TSFM: variants seen among roughly 807,000 people sequenced by gnomAD.
TSFM encodes Ts translation elongation factor, mitochondrial.
Under a neutral mutation model 33.4 loss-of-function variants are expected in TSFM, and 29 were observed. That is an observed-to-expected ratio of 0.87 (90% CI 0.65 to 1.18). The LOEUF is 1.18. Among genes scored for constraint, TSFM ranks in the 50% most tolerant of loss-of-function variants. The probability of loss-of-function intolerance (pLI) is 0.00; values close to 1 mark genes in which losing one functional copy is unlikely to be tolerated. For missense variants in TSFM, 394 were observed against 395.6 expected (o/e 1.00, Z 0.04); for synonymous variants, 178 against 163.5 (o/e 1.09, Z -0.68).
chr12:57,793,615 G>C (rs1955694047), intron 5 of TSFM, among the ~76,000 whole-genome samples: 1 of 152,084 alleles, frequency 6.6e-6, no homozygotes, highest in Non-Finnish European at 1.5e-5. Flanking sequence ...GGAGTCCTGG[G>C]GTCATCAGAA....
In TSFM at chr12:57,786,183, G is replaced by A. The variant is rs146705140; in HGVS notation, c.252G>A (p.Lys84=). The change falls in exon 3 of 6, where the codon AAG becomes AAA. Residue 84 remains lysine (K), a synonymous_variant. Transcript: ENST00000652027. ...DLKQAEIWLH[K]EAQKEGWSKA... ...TACAGGCAGAGATCTGGCTCCACAAGGAGGCCCAGAAGGAGGGCTGGAGCA... is the reference window on the plus strand; with the variant it reads ...TACAGGCAGAGATCTGGCTCCACAAAGAGGCCCAGAAGGAGGGCTGGAGCA... The A allele has an allele frequency of 1.1e-4, 174 of 1,607,450 alleles. No individual in the cohort carries two copies. Among genetic ancestry groups the A allele is most frequent in the Non-Finnish European group, 1.2e-4 (146 of 1,176,658 alleles).
chr12:57,783,220 A>G lies in TSFM; in HGVS notation c.168A>G (p.Lys56=). 6.2e-7 allele frequency: 1 copy of G among 1,613,844 alleles called. No individual in the cohort carries two copies. Residue 56 remains lysine, a synonymous_variant, in exon 2 of 6, where the codon AAA becomes AAG. Transcript: ENST00000652027. The part of the protein sequence containing the change: ...SKELLMKLRR[K]TGYSFVNCKK... ...AGCTCCTCATGAAGCTGCGGCGGAA[A>G]ACAGGCTACTCCTTTGTAAATTGCA...
At chr12:57,791,299 C>T (rs1003327570) in intron 4 of TSFM, among the ~76,000 whole-genome samples, 2 of 152,190 alleles carry the variant, frequency 1.3e-5, no homozygotes, top group South Asian at 2.1e-4. Context: ...CGTGGGCCAC[C>T]GCGCCCGGCC....
chr12:57,783,533 G>C (rs967157082), intron 2 of TSFM: 6 of 669,320 alleles, frequency 9.0e-6, no homozygotes, highest in Non-Finnish European at 1.7e-5. Context: ...GGGTTTGTGT[G>C]AGCTTTGGAG....
At chr12:57,782,980 G>A in intron 1 of TSFM, 122 bp downstream of exon 1, 1 of 1,461,302 alleles carries the variant, frequency 6.8e-7, no homozygotes, top group Non-Finnish European at 9.2e-7. Context: ...CATTGCCTCT[G>A]CCCAGTCCAG....
At chr12:57,782,897 G>A in intron 1 of TSFM, 39 bp downstream of exon 1, 1 of 1,564,208 alleles carries the variant, frequency 6.4e-7, no homozygotes, top group Non-Finnish European at 8.7e-7. Context: ...TGCTGTCCCT[G>A]CAGCTCTCCT....
chr12:57,787,212 G>A, intron 4 of TSFM, 50 bp downstream of exon 4: 5 of 1,511,036 alleles, frequency 3.3e-6, no homozygotes, highest in Non-Finnish European at 4.5e-6. Context: ...TCCTCATTGG[G>A]TCTTTTGCTG....
At chr12:57,792,771 C>T (rs773915742) in intron 4 of TSFM, among the ~76,000 whole-genome samples, 2 of 151,896 alleles carry the variant, frequency 1.3e-5, no homozygotes, top group East Asian at 1.9e-4. Context: ...TTTTGTATTT[C>T]GTTGGAGACG....
chr12:57,783,659 T>A, intron 2 of TSFM: 1 of 582,252 alleles, frequency 1.7e-6, no homozygotes. Flanking sequence ...AATGGCACGA[T>A]GTTGGCTCAC....
chr12:57,790,621 A>G (rs1287815733), intron 4 of TSFM, among the ~76,000 whole-genome samples: 1 of 152,090 alleles, frequency 6.6e-6, no homozygotes, highest in East Asian at 1.9e-4. Context: ...TTTTGTCTTT[A>G]CATTGAAGTT....
At chr12:57,784,454 A>G (rs1955562148) in intron 2 of TSFM, among the ~76,000 whole-genome samples, 1 of 152,246 alleles carries the variant, frequency 6.6e-6, no homozygotes, top group Non-Finnish European at 1.5e-5. Context: ...TTTTTATTTT[A>G]TAAACTTTTA....
chr12:57,802,826 C>A (rs989334460), downstream of TSFM: 12 of 565,710 alleles, frequency 2.1e-5, no homozygotes, highest in Non-Finnish European at 3.7e-5. Context: ...TTTGTCAAAT[C>A]TGTCACCATC....
Position 57,783,244 on chromosome 12 carries a change from C to T in TSFM, c.192C>T (p.Cys64=). 1.2e-6 allele frequency: 2 copies of T among 1,613,902 alleles called. No homozygotes were observed. The highest frequency in any genetic ancestry group is 8.5e-7 in the Non-Finnish European group (1 of 1,179,902). ...AAACAGGCTACTCCTTTGTAAATTG[C>T]AAGAAAGCTCTGGAGACTTGTGGCG... The part of the protein sequence containing the change: ...RRKTGYSFVN[C]KKALETCGGD... The change falls in exon 2 of 6, where the codon TGC becomes TGT. Residue 64 remains cysteine, a synonymous_variant. Coordinates refer to ENST00000652027, the MANE Select transcript of TSFM (RefSeq NM_005726.6).
chr12:57,802,442 G>A (rs1955869689), downstream of TSFM: 9 of 1,418,306 alleles, frequency 6.3e-6, no homozygotes, highest in African/African-American at 1.4e-5. Flanking sequence ...CCTTTCTTTC[G>A]TGAGCAATTC....
downstream of TSFM, among the ~76,000 whole-genome samples, chr12:57,799,389 T>C (rs1955800597): frequency 1.3e-5 from 2 of 152,232 alleles, no homozygotes; most frequent in African/African-American, 4.8e-5. Context: ...CCAGATTGTA[T>C]AGGCCTTCAC....
Position 57,796,614 on chromosome 12 carries a change from T to C in TSFM, c.*31T>C. ...AGAGACTTTTGGCCCAGGAGGAATA[T>C]TTACTTTTAGCTCTGGACATCATTA... On this transcript the variant is annotated 3_prime_UTR_variant, in exon 6 of 6. Coordinates refer to ENST00000652027, the MANE Select transcript of TSFM (RefSeq NM_005726.6). 7.4e-7 allele frequency: 1 copy of C among 1,352,942 alleles called. No homozygotes were observed. The highest frequency in any genetic ancestry group is 9.6e-7 in the Non-Finnish European group (1 of 1,044,742). 83.8% of individuals were successfully genotyped at this position (1,352,942 alleles called of 1,614,324 possible).
chr12:57,796,929 T>G lies in TSFM; in HGVS notation c.*346T>G. On this transcript the variant is annotated 3_prime_UTR_variant, in exon 6 of 6. Coordinates refer to ENST00000652027, the MANE Select transcript of TSFM (RefSeq NM_005726.6). Reference sequence around the variant, plus strand: ...TGACATAGAACTCTTTTGTTCTGTTTTTGCTTTGCGACACTGTGAACCGTG... The same window carrying G: ...TGACATAGAACTCTTTTGTTCTGTTGTTGCTTTGCGACACTGTGAACCGTG... The G allele has an allele frequency of 1.0e-6, 1 of 996,534 alleles. No homozygotes were observed. The highest frequency in any genetic ancestry group is 1.7e-5 in the African/African-American group (1 of 57,828). The allele number at this position is 996,534 out of a possible 1,614,324, so 61.7% of individuals were successfully genotyped here. A position where few individuals can be genotyped will look rare whatever the true frequency, so the allele number is the denominator to read the frequency against.
At chr12:57,783,611 T>C (rs1433361318) in intron 2 of TSFM, 8 of 554,176 alleles carry the variant, frequency 1.4e-5, no homozygotes, top group African/African-American at 5.6e-5. Flanking sequence ...TTTTTTTTTT[T>C]CAGACGGAGT....
intron 4 of TSFM, among the ~76,000 whole-genome samples, chr12:57,790,852 G>GT (rs1244847112): frequency 3.3e-5 from 5 of 151,168 alleles, no homozygotes; most frequent in Non-Finnish European, 7.4e-5. Flanking sequence ...GCACTTCGGG[G>GT]TTTTTTGTTT....
Sources: gnomAD v4.1 joint callset for allele counts (sites outside exome capture counted in the v4.1 genomes callset) on GRCh38, gnomAD v4.1.1 for gene constraint, MANE v1.5 for transcripts, NCBI Gene and HGNC (gene_info 2026-07-23, HGNC 2026-07-21) for gene names.